Variants in DCC observed in about 807,000 individuals in gnomAD.
DCC encodes the protein netrin receptor DCC.
DCC carries 58 observed loss-of-function variants against 172.5 expected under a neutral mutation model. That is an observed-to-expected ratio of 0.34 (90% CI 0.27 to 0.42). The LOEUF is 0.42. DCC is among the 10% of genes least tolerant of loss of function. The pLI is 1.00. For missense variants in DCC, 1,740 were observed against 1,791.0 expected (o/e 0.97, Z 0.51); for synonymous variants, 709 against 644.5 (o/e 1.10, Z -1.52).
At chr18:53,348,582 G>C (rs1409354820) in intron 15 of DCC, among the ~76,000 whole-genome samples, 1 of 152,258 alleles carries the variant, frequency 6.6e-6, no homozygotes, top group Admixed American at 6.5e-5. Flanking sequence ...TCTGTATGGG[G>C]GCTCTGATCC....
chr18:53,006,997 T>C (rs1392918384), intron 5 of DCC, among the ~76,000 whole-genome samples: 4 of 152,194 alleles, frequency 2.6e-5, no homozygotes, highest in African/African-American at 9.7e-5. Flanking sequence ...GTAATCACTA[T>C]AGGCTGATTT....
At chr18:53,357,331 A>T (rs1162770291) in intron 15 of DCC, among the ~76,000 whole-genome samples, 1 of 152,178 alleles carries the variant, frequency 6.6e-6, no homozygotes, top group Admixed American at 6.6e-5. Flanking sequence ...GAACCTTTAT[A>T]ACTCCCAGAG....
chr18:52,584,912 G>A (rs1463213984), intron 1 of DCC, among the ~76,000 whole-genome samples: 1 of 152,032 alleles, frequency 6.6e-6, no homozygotes, highest in East Asian at 1.9e-4. Context: ...TGGGCATATG[G>A]CTCTAGTCAC....
chr18:53,115,865 C>T (rs1221817965), intron 7 of DCC, among the ~76,000 whole-genome samples: 1 of 151,434 alleles, frequency 6.6e-6, no homozygotes, highest in African/African-American at 2.4e-5. Context: ...ATTTTTCTTA[C>T]TATACTGTAT....
At chr18:53,072,680 G>A (rs1286782620) in intron 7 of DCC, among the ~76,000 whole-genome samples, 1 of 152,116 alleles carries the variant, frequency 6.6e-6, no homozygotes, top group Non-Finnish European at 1.5e-5. Flanking sequence ...AAATGGCTGT[G>A]GGAAAAATCC....
chr18:52,807,088 G>C (rs373434766), intron 2 of DCC, among the ~76,000 whole-genome samples: 154 of 152,262 alleles, frequency 1.0e-3, no homozygotes, highest in African/African-American at 3.7e-3. Flanking sequence ...CCAGCTACTC[G>C]GGAGGCTGAG....
At chr18:52,748,061 C>A (rs973798139) in intron 1 of DCC, among the ~76,000 whole-genome samples, 1 of 152,180 alleles carries the variant, frequency 6.6e-6, no homozygotes, top group East Asian at 1.9e-4. Context: ...ATCCCACGCC[C>A]ACCATAGGCG....
chr18:52,625,585 C>G (rs1200834998), intron 1 of DCC, among the ~76,000 whole-genome samples: 2 of 152,140 alleles, frequency 1.3e-5, no homozygotes, highest in Non-Finnish European at 2.9e-5. Context: ...CATTAACATG[C>G]TTTGGTGTTG....
intron 7 of DCC, among the ~76,000 whole-genome samples, chr18:53,107,670 C>G (rs987963016): frequency 4.0e-5 from 6 of 151,638 alleles, no homozygotes; most frequent in African/African-American, 1.5e-4. Flanking sequence ...TTAAACTGTT[C>G]ATAGGTGACC....
chr18:52,747,231 T>C (rs1159801508), intron 1 of DCC, among the ~76,000 whole-genome samples: 1 of 152,218 alleles, frequency 6.6e-6, no homozygotes, highest in Admixed American at 6.5e-5. Flanking sequence ...CTTTCCAGTC[T>C]ATTTCTCCAC....
intron 1 of DCC, among the ~76,000 whole-genome samples, chr18:52,468,315 C>G (rs1012807987): frequency 2.6e-5 from 4 of 152,086 alleles, no homozygotes; most frequent in Non-Finnish European, 4.4e-5. Context: ...AAAAAATTGT[C>G]CATCGAAAAA....
At chr18:53,431,961 T>C (rs1003104684) in intron 21 of DCC, among the ~76,000 whole-genome samples, 2 of 152,178 alleles carry the variant, frequency 1.3e-5, no homozygotes, top group Non-Finnish European at 2.9e-5. Context: ...CATAAATCCA[T>C]TTAATTATTT....
At chr18:52,446,393 T>G (rs922035940) in intron 1 of DCC, among the ~76,000 whole-genome samples, 1 of 152,216 alleles carries the variant, frequency 6.6e-6, no homozygotes, top group African/African-American at 2.4e-5. Flanking sequence ...CCAAGCAAAC[T>G]GGGAACACTG....
At chr18:53,208,823 G>T (rs893857617) in intron 11 of DCC, among the ~76,000 whole-genome samples, 2 of 152,074 alleles carry the variant, frequency 1.3e-5, no homozygotes, top group South Asian at 4.1e-4. Flanking sequence ...TCCACCTCTC[G>T]GGTTTAAGTG....
At chr18:53,414,992 A>C (rs1410263766) in intron 20 of DCC, among the ~76,000 whole-genome samples, 2 of 152,202 alleles carry the variant, frequency 1.3e-5, no homozygotes, top group Non-Finnish European at 2.9e-5. Flanking sequence ...CACTCTTAGG[A>C]TGTAATAGAC....
At chr18:53,336,070 C>G (rs940751915) in intron 14 of DCC, among the ~76,000 whole-genome samples, 5 of 152,128 alleles carry the variant, frequency 3.3e-5, no homozygotes, top group African/African-American at 1.2e-4. Context: ...CAAACCATAT[C>G]AGGCTTCATT....
chr18:53,459,205 C>T (rs150025012), intron 23 of DCC, 27 bp from the exon 24 acceptor site: 16 of 1,562,482 alleles, frequency 1.0e-5, no homozygotes, highest in Middle Eastern at 3.4e-4. Flanking sequence ...GAGGTTCTCA[C>T]ATTTGCCTTC....
chr18:53,408,158 CTGAGGTTACCCT>C (rs141158013), intron 19 of DCC, among the ~76,000 whole-genome samples: 1 of 152,250 alleles, frequency 6.6e-6, no homozygotes, highest in East Asian at 1.9e-4. Context: ...GTGTAGATTA[CTGAGGTTACCCT>C]TGACCTGTAG....
intron 1 of DCC, among the ~76,000 whole-genome samples, chr18:52,472,192 A>C (rs1343119369): frequency 6.6e-6 from 1 of 152,150 alleles, no homozygotes; most frequent in Non-Finnish European, 1.5e-5. Flanking sequence ...AAATGAGTCA[A>C]AAGTGAGCTT....
Sources: allele counts gnomAD v4.1 joint callset (sites outside exome capture counted in the v4.1 genomes callset), GRCh38; gene constraint gnomAD v4.1.1; transcripts MANE v1.5; gene names NCBI Gene and HGNC (gene_info 2026-07-23, HGNC 2026-07-21).